Variants in ADAMTS12 observed in about 807,000 individuals in gnomAD.
ADAMTS12 encodes ADAM metallopeptidase with thrombospondin type 1 motif 12.
In ADAMTS12, 118 loss-of-function variants were observed where a neutral mutation model predicts 167.8. The observed-to-expected ratio is 0.70, with a 90% CI of 0.61 to 0.82. ADAMTS12 has a LOEUF of 0.82. Ranked by LOEUF, ADAMTS12 falls within the 40% of genes least tolerant of loss-of-function variation. The pLI is 0.00. For synonymous variants in ADAMTS12, 704 were observed against 716.9 expected (o/e 0.98, Z 0.29); for missense variants, 1,916 against 1,998.8 (o/e 0.96, Z 0.79).
At chr5:33,698,630 A>ATTTCCCCAATAGGTCCG (rs1742873237) in intron 3 of ADAMTS12, among the ~76,000 whole-genome samples, 1 of 152,118 alleles carries the variant, frequency 6.6e-6, no homozygotes, top group Non-Finnish European at 1.5e-5. Flanking sequence ...CACTAGCCCC[A>ATTTCCCCAATAGGTCCG]TTACATTTTA....
chr5:33,559,804 C>T (rs549306591), intron 20 of ADAMTS12, among the ~76,000 whole-genome samples: 117 of 152,180 alleles, frequency 7.7e-4, no homozygotes, highest in African/African-American at 2.5e-3. Context: ...CGCTTGAACC[C>T]GGGAGGCAGA....
intron 2 of ADAMTS12, among the ~76,000 whole-genome samples, chr5:33,825,467 G>A (rs1748031046): frequency 6.6e-6 from 1 of 152,146 alleles, no homozygotes; most frequent in East Asian, 1.9e-4. Flanking sequence ...GTGTAAGTAA[G>A]AGCTGCATGA....
At chr5:33,654,874 T>TTGTGTGTGTGTGTG (rs34219097) in intron 7 of ADAMTS12, among the ~76,000 whole-genome samples, 1,815 of 141,602 alleles carry the variant, frequency 0.013, 26 homozygotes, top group African/African-American at 0.027. Flanking sequence ...GTGGGTGATT[T>TTGTGTGTGTGTGTG]TGTGTGTGTG....
chr5:33,637,171 G>C (rs1222332373), intron 12 of ADAMTS12, among the ~76,000 whole-genome samples: 1 of 151,986 alleles, frequency 6.6e-6, no homozygotes, highest in Non-Finnish European at 1.5e-5. Flanking sequence ...TGCTTCACTG[G>C]AAGCCTTTTT....
chr5:33,778,122 T>G (rs1020022211), intron 2 of ADAMTS12, among the ~76,000 whole-genome samples: 1 of 152,100 alleles, frequency 6.6e-6, no homozygotes, highest in African/African-American at 2.4e-5. Context: ...AGATTCTATG[T>G]AATCCGTATC....
intron 3 of ADAMTS12, among the ~76,000 whole-genome samples, chr5:33,733,612 T>A (rs2112356871): frequency 6.6e-6 from 1 of 152,332 alleles, no homozygotes; most frequent in South Asian, 2.1e-4. Context: ...TAAAAGTGGC[T>A]GCAGCACCCT....
At chr5:33,661,368 T>C (rs1035891555) in intron 6 of ADAMTS12, among the ~76,000 whole-genome samples, 5 of 152,186 alleles carry the variant, frequency 3.3e-5, no homozygotes, top group African/African-American at 1.2e-4. Flanking sequence ...ATAGGCTCTA[T>C]TGTGATTAGA....
chr5:33,535,712 C>T (rs536912049), intron 22 of ADAMTS12, among the ~76,000 whole-genome samples: 90 of 152,004 alleles, frequency 5.9e-4, no homozygotes, highest in Non-Finnish European at 1.1e-3. Flanking sequence ...ATATCTGTGT[C>T]GTGGTACTTC....
chr5:33,750,430 G>C (rs965722740), intron 3 of ADAMTS12, among the ~76,000 whole-genome samples: 1 of 152,170 alleles, frequency 6.6e-6, no homozygotes, highest in African/African-American at 2.4e-5. Flanking sequence ...TTGTCCTCTT[G>C]TCCTTTCATT....
intron 3 of ADAMTS12, among the ~76,000 whole-genome samples, chr5:33,687,655 T>C (rs1478101469): frequency 6.6e-6 from 1 of 152,222 alleles, no homozygotes; most frequent in Non-Finnish European, 1.5e-5. Flanking sequence ...TTATAGATAG[T>C]GCCGGAAGCT....
chr5:33,867,218 A>G (rs2111718820), intron 2 of ADAMTS12, among the ~76,000 whole-genome samples: 2 of 152,330 alleles, frequency 1.3e-5, no homozygotes, highest in Admixed American at 1.3e-4. Context: ...CTAAGTGCCC[A>G]CTGACCAACA....
intron 2 of ADAMTS12, among the ~76,000 whole-genome samples, chr5:33,770,838 C>CCCT (rs145791559): frequency 1.1e-4 from 16 of 150,902 alleles, no homozygotes; most frequent in Admixed American, 1.1e-3. Context: ...CTTCCTCTTC[C>CCCT]CCTCCTCCTC....
At chr5:33,801,334 C>T (rs1051773288) in intron 2 of ADAMTS12, among the ~76,000 whole-genome samples, 6 of 152,204 alleles carry the variant, frequency 3.9e-5, no homozygotes, top group Admixed American at 3.9e-4. Flanking sequence ...ACCCCAGAAA[C>T]TGGCAAATGC....
intron 22 of ADAMTS12, among the ~76,000 whole-genome samples, chr5:33,544,000 A>G (rs1470681706): frequency 6.6e-6 from 1 of 152,208 alleles, no homozygotes; most frequent in African/African-American, 2.4e-5. Flanking sequence ...TAGTTTTGTA[A>G]ATTCTGGGCT....
At chr5:33,684,603 C>A (rs931580310) in intron 3 of ADAMTS12, among the ~76,000 whole-genome samples, 4 of 152,130 alleles carry the variant, frequency 2.6e-5, no homozygotes, top group African/African-American at 9.7e-5. Flanking sequence ...CCGTTTCCAA[C>A]AGAGTAAACA....
At chr5:33,819,407 G>A (rs188701942) in intron 2 of ADAMTS12, among the ~76,000 whole-genome samples, 16 of 152,092 alleles carry the variant, frequency 1.1e-4, no homozygotes, top group Non-Finnish European at 5.9e-5. Context: ...TAGGCACTCT[G>A]ATTTGTTCCA....
chr5:33,670,832 A>G (rs4621564), intron 5 of ADAMTS12, among the ~76,000 whole-genome samples: 145,152 of 152,310 alleles, frequency 0.95, 69,558 homozygotes, highest in Non-Finnish European at 1. Flanking sequence ...TTCCAGAGAA[A>G]CGAGGACTTA....
intron 2 of ADAMTS12, among the ~76,000 whole-genome samples, chr5:33,874,319 G>T (rs149428926): frequency 2.0e-5 from 3 of 152,120 alleles, no homozygotes; most frequent in African/African-American, 7.2e-5. Flanking sequence ...CATATGAAAT[G>T]ATATCCCATA....
intron 18 of ADAMTS12, among the ~76,000 whole-genome samples, chr5:33,579,793 T>C (rs980431619): frequency 2.0e-5 from 3 of 152,220 alleles, no homozygotes; most frequent in Non-Finnish European, 4.4e-5. Context: ...GCATAACATA[T>C]GAAGACAATT....
Sources: allele counts gnomAD v4.1 joint callset (sites outside exome capture counted in the v4.1 genomes callset), GRCh38; gene constraint gnomAD v4.1.1; transcripts MANE v1.5; gene names NCBI Gene and HGNC (gene_info 2026-07-23, HGNC 2026-07-21).